Variants in HHAT observed in about 807,000 individuals in gnomAD.
The protein encoded by HHAT is hedgehog acyltransferase.
HHAT carries 47 observed loss-of-function variants against 70.8 expected under a neutral mutation model. The observed-to-expected ratio is 0.66, with a 90% CI of 0.53 to 0.85. The LOEUF is 0.85. Among genes scored for constraint, HHAT ranks in the 40% least tolerant of loss-of-function variants. The pLI, the probability that HHAT is intolerant of heterozygous loss-of-function variation, is 0.00. For synonymous variants in HHAT, 228 were observed against 247.6 expected, an observed-to-expected ratio of 0.92 and a Z score of 0.74; for missense variants, 609 against 604.8, an observed-to-expected ratio of 1.01 and a Z score of -0.07.
intron 10 of HHAT, 88 bp from the exon 11 acceptor site, chr1:210,623,438 G>C (rs1669249600): frequency 6.7e-7 from 1 of 1,487,668 alleles, no homozygotes; most frequent in Non-Finnish European, 9.3e-7. Context: ...GAGGCGTCCT[G>C]GGCTGGTGAC....
chr1:210,448,361 C>T (rs149295111), intron 7 of HHAT, among the ~76,000 whole-genome samples: 49 of 152,218 alleles, frequency 3.2e-4, no homozygotes, highest in Middle Eastern at 3.4e-3. Flanking sequence ...GGATTACAGA[C>T]GTGAGCCACT....
chr1:210,392,552 C>T (rs1406258051), intron 4 of HHAT, among the ~76,000 whole-genome samples: 1 of 152,062 alleles, frequency 6.6e-6, no homozygotes, highest in Non-Finnish European at 1.5e-5. Context: ...TTTCTAGCCC[C>T]TGATAACTGA....
At chr1:210,440,781 G>C (rs6680477) in intron 7 of HHAT, among the ~76,000 whole-genome samples, 69,503 of 150,216 alleles carry the variant, frequency 0.46, 16,318 homozygotes, top group Admixed American at 0.54. Context: ...TCACTGCCTT[G>C]AGCTCCAAAG....
At chr1:210,548,966 G>A (rs981474917) in intron 9 of HHAT, among the ~76,000 whole-genome samples, 2 of 152,216 alleles carry the variant, frequency 1.3e-5, no homozygotes, top group Admixed American at 1.3e-4. Flanking sequence ...GGTTCAGCCA[G>A]GGCAGGGCTT....
intron 7 of HHAT, among the ~76,000 whole-genome samples, chr1:210,426,520 T>C (rs2093066978): frequency 6.6e-6 from 1 of 152,220 alleles, no homozygotes; most frequent in South Asian, 2.1e-4. Context: ...GTTCCTTTAA[T>C]ATCTAGTTTA....
chr1:210,454,182 T>C (rs370077650), intron 7 of HHAT, among the ~76,000 whole-genome samples: 1 of 152,026 alleles, frequency 6.6e-6, no homozygotes, highest in South Asian at 2.1e-4. Flanking sequence ...GAGATTTGGG[T>C]GGGGACACAG....
chr1:210,403,693 A>G (rs1382370289), intron 5 of HHAT, among the ~76,000 whole-genome samples: 1 of 152,232 alleles, frequency 6.6e-6, no homozygotes, highest in Non-Finnish European at 1.5e-5. Context: ...ATGTATTTCC[A>G]TAAATAGTTT....
chr1:210,408,691 A>T (rs899275398), intron 6 of HHAT, among the ~76,000 whole-genome samples: 1 of 152,214 alleles, frequency 6.6e-6, no homozygotes, highest in African/African-American at 2.4e-5. Context: ...CAGGAAAGGG[A>T]TGGGGGCAGT....
rs191542940 is a variant in HHAT, at chr1:210,333,189, G to T, written c.-44+4085G>T. ...ACTTGTTACTTGACACTCACTGATAGGATTTTGATATGAGTCTGCAAGCAA... is the reference window on the plus strand; with the variant it reads ...ACTTGTTACTTGACACTCACTGATATGATTTTGATATGAGTCTGCAAGCAA... On this transcript the variant is annotated intron_variant, in intron 1 of 11. Transcript: ENST00000261458. Among the ~76,000 whole-genome samples, 66 of 152,266 alleles carry T rather than the reference G, an allele frequency of 4.3e-4. 1 individual carries two copies. The highest frequency in any genetic ancestry group is 4.0e-3 in the Admixed American group (61 of 15,300).
chr1:210,559,372 T>C (rs1431720440), intron 9 of HHAT, among the ~76,000 whole-genome samples: 3 of 152,212 alleles, frequency 2.0e-5, no homozygotes, highest in Non-Finnish European at 2.9e-5. Flanking sequence ...AAATATCTGT[T>C]GAATAAATGG....
At chr1:210,492,015 G>A (rs369226214) in intron 8 of HHAT, among the ~76,000 whole-genome samples, 2 of 151,996 alleles carry the variant, frequency 1.3e-5, no homozygotes, top group South Asian at 2.1e-4. Flanking sequence ...TGCCTGCCTC[G>A]GCCTCCCAAA....
At chr1:210,496,828 C>T (rs1350882698) in intron 8 of HHAT, among the ~76,000 whole-genome samples, 2 of 152,170 alleles carry the variant, frequency 1.3e-5, no homozygotes, top group African/African-American at 4.8e-5. Flanking sequence ...CTATGGGGGA[C>T]TGTTTGTCCT....
At chr1:210,609,744 T>C (rs1328105329) in intron 10 of HHAT, among the ~76,000 whole-genome samples, 3 of 152,200 alleles carry the variant, frequency 2.0e-5, no homozygotes, top group African/African-American at 7.2e-5. Flanking sequence ...CTCCCACTTA[T>C]AAGTGAGAAC....
rs80066764 is a variant in HHAT at position 210,490,953 on chromosome 1, C to T, written c.1008-22200C>T. On this transcript the variant is annotated intron_variant, in intron 8 of 11. Coordinates refer to ENST00000261458, the MANE Select transcript of HHAT (RefSeq NM_018194.6). Reference sequence around the variant, plus strand: ...TTGTAAGGAGCATAGGAAAAAAAATCCATATGGAAAAAGTTGAAACAGCCA... The same window carrying T: ...TTGTAAGGAGCATAGGAAAAAAAATTCATATGGAAAAAGTTGAAACAGCCA... Among the ~76,000 whole-genome samples the T allele has an allele frequency of 3.0e-3, 457 of 152,024 alleles. 4 individuals are homozygous for T. The highest frequency in any genetic ancestry group is 0.011 in the African/African-American group (443 of 41,464).
intron 8 of HHAT, 130 bp downstream of exon 8, chr1:210,464,785 C>A: frequency 1.2e-6 from 1 of 852,976 alleles, no homozygotes; most frequent in Non-Finnish European, 1.8e-6. Context: ...GCATCCATTT[C>A]TTCATCCTAC....
chr1:210,535,882 G>A (rs1411049020), intron 9 of HHAT, among the ~76,000 whole-genome samples: 2 of 152,166 alleles, frequency 1.3e-5, no homozygotes, highest in African/African-American at 4.8e-5. Context: ...GTAACCAATA[G>A]CATGGCCCCT....
At chr1:210,329,175 T>G in intron 1 of HHAT, 71 bp downstream of exon 1, 1 of 1,238,062 alleles carries the variant, frequency 8.1e-7, no homozygotes, top group Non-Finnish European at 1.0e-6. Flanking sequence ...GTTTACTCTG[T>G]TAAAAAAAAA....
intron 11 of HHAT, among the ~76,000 whole-genome samples, chr1:210,655,526 A>T (rs1055321502): frequency 6.6e-6 from 1 of 152,222 alleles, no homozygotes; most frequent in Non-Finnish European, 1.5e-5. Context: ...CTGGAGGTGC[A>T]GAGGATACCC....
chr1:210,453,476 G>A (rs910823287), intron 7 of HHAT, among the ~76,000 whole-genome samples: 3 of 152,116 alleles, frequency 2.0e-5, no homozygotes, highest in Admixed American at 1.3e-4. Context: ...CTGAAATGTA[G>A]CAAGTTGCAG....
Sources: allele counts gnomAD v4.1 joint callset (sites outside exome capture counted in the v4.1 genomes callset), GRCh38; gene constraint gnomAD v4.1.1; transcripts MANE v1.5; gene names NCBI Gene and HGNC (gene_info 2026-07-23, HGNC 2026-07-21).